CAMK2D: variants seen among roughly 807,000 people sequenced by gnomAD.
CAMK2D encodes calcium/calmodulin dependent protein kinase II delta, also known as calcium/calmodulin-dependent protein kinase type II subunit delta.
CAMK2D carries 37 observed loss-of-function variants against 84.0 expected under a neutral mutation model. That is an observed-to-expected ratio of 0.44 (90% CI 0.34 to 0.58). The LOEUF is 0.58. Ranked by LOEUF, CAMK2D falls within the 20% of genes least tolerant of loss-of-function variation. The pLI is 0.02. For missense variants in CAMK2D, 448 were observed against 652.5 expected (o/e 0.69, Z 3.41); for synonymous variants, 202 against 212.5 (o/e 0.95, Z 0.43).
intron 3 of CAMK2D, among the ~76,000 whole-genome samples, chr4:113,651,653 C>T (rs1406895902): frequency 6.6e-6 from 1 of 152,064 alleles, no homozygotes; most frequent in Non-Finnish European, 1.5e-5. Flanking sequence ...TCTTTTTCTA[C>T]AATGTAAAGC....
At chr4:113,656,744 G>A (rs2099202374) in intron 3 of CAMK2D, among the ~76,000 whole-genome samples, 1 of 151,940 alleles carries the variant, frequency 6.6e-6, no homozygotes, top group African/African-American at 2.4e-5. Context: ...TTTTCATGAT[G>A]GCTTCCACCT....
At chr4:113,610,151 C>T (rs1341376066) in intron 3 of CAMK2D, among the ~76,000 whole-genome samples, 1 of 151,886 alleles carries the variant, frequency 6.6e-6, no homozygotes, top group Non-Finnish European at 1.5e-5. Context: ...TATTTTGTCC[C>T]CCAGGTACCA....
rs755850795 is a variant in CAMK2D, at chr4:113,601,683, CTTTTTTTTT to C, written c.275+7460_275+7468del. Among the ~76,000 whole-genome samples the C allele has an allele frequency of 9.2e-4, 42 of 45,834 alleles. 1 individual carries two copies. The highest frequency in any genetic ancestry group is 8.1e-3 in the South Asian group (7 of 862). The allele number at this position is 45,834 out of a possible 152,430, so 30.1% of individuals were successfully genotyped here. On this transcript the variant is annotated intron_variant, in intron 4 of 20. Coordinates refer to ENST00000511664, the MANE Select transcript of CAMK2D (RefSeq NM_001321571.2). ...ATTTTATGTAGATTAACTGTTTATT[CTTTTTTTTT>C]TTTTTTTTTTTTTTTTTTCATTTTT...
At chr4:113,705,150 T>C (rs11944239) in intron 2 of CAMK2D, among the ~76,000 whole-genome samples, 21,652 of 145,818 alleles carry the variant, frequency 0.15, 2,663 homozygotes, top group African/African-American at 0.34. Flanking sequence ...ACCCTATCTC[T>C]ACTACAAATA....
rs72899805 is a variant in CAMK2D, at chr4:113,712,918, T to C, written c.160+46402A>G. Among the ~76,000 whole-genome samples the C allele has an allele frequency of 9.4e-3, 1,423 of 152,180 alleles. 28 individuals are homozygous for C. Among genetic ancestry groups the C allele is most frequent in the African/African-American group, 0.032 (1,344 of 41,556 alleles). ...CATGTTTTTAGTCTTTCACTATACA[T>C]GTATATCCACAAATATGCAATACTG... On this transcript the variant is annotated intron_variant, in intron 2 of 20. Coordinates refer to ENST00000511664, the MANE Select transcript of CAMK2D (RefSeq NM_001321571.2).
intron 16 of CAMK2D, among the ~76,000 whole-genome samples, chr4:113,482,987 G>C (rs2097720036): frequency 6.6e-6 from 1 of 152,154 alleles, no homozygotes; most frequent in Non-Finnish European, 1.5e-5. Context: ...TTGGCCAAGG[G>C]AAAAATGTTA....
chr4:113,561,647 A>G (rs1393399227), intron 4 of CAMK2D, among the ~76,000 whole-genome samples: 1 of 152,212 alleles, frequency 6.6e-6, no homozygotes, highest in Non-Finnish European at 1.5e-5. Flanking sequence ...GACATTTTTA[A>G]AAAGATAATG....
At chr4:113,513,733 T>A in intron 11 of CAMK2D, 97 bp downstream of exon 11, 1 of 650,554 alleles carries the variant, frequency 1.5e-6, no homozygotes, top group Non-Finnish European at 2.7e-6. Context: ...GAGGTCTACA[T>A]AATTGAAAGC....
chr4:113,641,797 C>T (rs986855505), intron 3 of CAMK2D, among the ~76,000 whole-genome samples: 67 of 152,074 alleles, frequency 4.4e-4, no homozygotes, highest in African/African-American at 8.9e-4. Flanking sequence ...CATCTGAGGT[C>T]GGGAGTTCAA....
intron 4 of CAMK2D, among the ~76,000 whole-genome samples, chr4:113,587,536 G>A (rs1373680935): frequency 6.6e-6 from 1 of 151,994 alleles, no homozygotes; most frequent in Non-Finnish European, 1.5e-5. Context: ...ATTATTTTTT[G>A]CTTTCTTTAG....
At chr4:113,721,485 T>C (rs909789068) in intron 2 of CAMK2D, among the ~76,000 whole-genome samples, 2 of 152,208 alleles carry the variant, frequency 1.3e-5, no homozygotes, top group African/African-American at 4.8e-5. Flanking sequence ...TAATACAATA[T>C]GTAACTTTGT....
At position 113,664,583 on chromosome 4, in the gene CAMK2D, T is replaced by C. The variant is rs146230090; in HGVS notation, c.161-2811A>G. On this transcript the variant is annotated intron_variant, in intron 2 of 20. Coordinates refer to ENST00000511664, the MANE Select transcript of CAMK2D (RefSeq NM_001321571.2). The stretch of plus-strand genomic sequence containing the variant: ...CCTCAGTTCCTTGCATGTGCCAATA[T>C]GGCAACATGTTTCATCAAAGTCACC... Among the ~76,000 whole-genome samples the C allele has an allele frequency of 3.8e-3, 582 of 152,298 alleles. 5 individuals are homozygous for C. Among genetic ancestry groups the C allele is most frequent in the African/African-American group, 0.013 (559 of 41,554 alleles).
intron 2 of CAMK2D, among the ~76,000 whole-genome samples, chr4:113,757,312 A>C (rs980458586): frequency 2.0e-5 from 3 of 152,108 alleles, no homozygotes; most frequent in Admixed American, 1.3e-4. Context: ...GTGCTGTTCT[A>C]TGCTATGTTA....
At chr4:113,542,714 CAAA>C (rs35129999) in intron 6 of CAMK2D, among the ~76,000 whole-genome samples, 1 of 136,556 alleles carries the variant, frequency 7.3e-6, no homozygotes. Flanking sequence ...GATTCCGTCT[CAAA>C]AAAAAAAAAA....
chr4:113,481,561 C>T (rs1255360528), intron 16 of CAMK2D, among the ~76,000 whole-genome samples: 1 of 152,114 alleles, frequency 6.6e-6, no homozygotes, highest in Non-Finnish European at 1.5e-5. Context: ...TTCACTGCAA[C>T]CTCTGCCTCC....
At chr4:113,583,165 C>A (rs2098818537) in intron 4 of CAMK2D, among the ~76,000 whole-genome samples, 1 of 150,050 alleles carries the variant, frequency 6.7e-6, no homozygotes, top group Non-Finnish European at 1.5e-5. Context: ...CTGAGATGTA[C>A]CACTGGTTTT....
chr4:113,731,883 C>T (rs1431427253), intron 2 of CAMK2D, among the ~76,000 whole-genome samples: 7 of 152,104 alleles, frequency 4.6e-5, no homozygotes, highest in Admixed American at 4.6e-4. Flanking sequence ...CGCACCCAGC[C>T]TATTGCTCTT....
chr4:113,459,638 C>CTTTT (rs35827287), intron 18 of CAMK2D, among the ~76,000 whole-genome samples: 1 of 133,426 alleles, frequency 7.5e-6, no homozygotes, highest in Non-Finnish European at 1.6e-5. Context: ...ATCAACATTA[C>CTTTT]TTTTTTTTTT....
At chr4:113,486,739 T>G (rs1326032596) in intron 16 of CAMK2D, among the ~76,000 whole-genome samples, 1 of 152,252 alleles carries the variant, frequency 6.6e-6, no homozygotes, top group Non-Finnish European at 1.5e-5. Context: ...TGGAAATGTT[T>G]AGGAAAGCTG....
Sources: allele counts gnomAD v4.1 joint callset (sites outside exome capture counted in the v4.1 genomes callset), GRCh38; gene constraint gnomAD v4.1.1; transcripts MANE v1.5; gene names NCBI Gene and HGNC (gene_info 2026-07-23, HGNC 2026-07-21).